Variants in NAF1 observed in about 807,000 individuals in gnomAD.
NAF1 encodes the protein nuclear assembly factor 1 ribonucleoprotein.
A neutral mutation model predicts 40.6 loss-of-function variants in NAF1; 11 were observed. The observed-to-expected ratio is 0.27, with a 90% CI of 0.17 to 0.45. NAF1 has a LOEUF of 0.45. Among genes scored for constraint, NAF1 ranks in the 20% least tolerant of loss-of-function variants. The pLI is 1.00. For synonymous variants in NAF1, 260 were observed against 228.5 expected (o/e 1.14, Z -1.24); for missense variants, 607 against 611.1 (o/e 0.99, Z 0.07).
intron 1 of NAF1, among the ~76,000 whole-genome samples, chr4:163,165,783 G>C (rs919959182): frequency 3.9e-5 from 6 of 152,146 alleles, no homozygotes; most frequent in African/African-American, 7.2e-5. Flanking sequence ...TGGGGGCAAG[G>C]GGGAAAGGCT....
At chr4:163,108,119 G>A (rs561047192), downstream of NAF1, among the ~76,000 whole-genome samples, 9 of 152,166 alleles carry the variant, frequency 5.9e-5, no homozygotes, top group Middle Eastern at 6.8e-3. Context: ...TATCAACAGC[G>A]ATGTAAGTAA....
At chr4:163,143,755 T>C (rs1376631430) in intron 4 of NAF1, among the ~76,000 whole-genome samples, 1 of 152,172 alleles carries the variant, frequency 6.6e-6, no homozygotes, top group East Asian at 1.9e-4. Flanking sequence ...ACAATGTCTC[T>C]CTAGGTGAGC....
chr4:163,153,189 C>T (rs1391978722), intron 2 of NAF1, among the ~76,000 whole-genome samples: 2 of 152,224 alleles, frequency 1.3e-5, no homozygotes, highest in African/African-American at 2.4e-5. Context: ...CCCTGCTCCA[C>T]GGCGCCGAGT....
intron 5 of NAF1, among the ~76,000 whole-genome samples, chr4:163,139,692 T>C (rs1731182034): frequency 1.3e-5 from 2 of 152,086 alleles, no homozygotes; most frequent in African/African-American, 4.8e-5. Context: ...GTTGGTTAGG[T>C]CAACTCCATA....
chr4:163,106,519 C>T (rs1730051620), downstream of NAF1, among the ~76,000 whole-genome samples: 2 of 152,110 alleles, frequency 1.3e-5, no homozygotes, highest in South Asian at 4.2e-4. Flanking sequence ...TCTAGCGTTT[C>T]CATTTTCTAT....
chr4:163,112,758 T>G (rs1197277311), intron 2 of NAF1, among the ~76,000 whole-genome samples: 1 of 152,192 alleles, frequency 6.6e-6, no homozygotes, highest in Non-Finnish European at 1.5e-5. Context: ...TAAAACTGTT[T>G]CCATTTTCTC....
chr4:163,132,984 T>A (rs753074300), intron 7 of NAF1, among the ~76,000 whole-genome samples, 170 bp downstream of exon 7: 3 of 152,256 alleles, frequency 2.0e-5, no homozygotes, highest in African/African-American at 4.8e-5. Flanking sequence ...TTTTTACTGC[T>A]TAAGCTCATA....
At chr4:163,115,805 T>C (rs1730319364) in intron 2 of NAF1, among the ~76,000 whole-genome samples, 1 of 152,232 alleles carries the variant, frequency 6.6e-6, no homozygotes, top group Admixed American at 6.5e-5. Context: ...AAATTACTAC[T>C]GAAAATACAA....
downstream of NAF1, among the ~76,000 whole-genome samples, chr4:163,128,347 C>G (rs1174096528): frequency 1.3e-5 from 2 of 152,090 alleles, no homozygotes; most frequent in Admixed American, 1.3e-4. Context: ...ATATTTTTTA[C>G]TTTAGCTATA....
At chr4:163,161,881 C>T (rs1188070549) in intron 2 of NAF1, among the ~76,000 whole-genome samples, 1 of 152,162 alleles carries the variant, frequency 6.6e-6, no homozygotes, top group Non-Finnish European at 1.5e-5. Flanking sequence ...ACCCTCCTCA[C>T]AATACATACA....
At chr4:163,141,372 T>C (rs1374439471) in intron 4 of NAF1, among the ~76,000 whole-genome samples, 1 of 152,184 alleles carries the variant, frequency 6.6e-6, no homozygotes, top group Non-Finnish European at 1.5e-5. Flanking sequence ...ATGTATATTA[T>C]AGAGATAAGA....
chr4:163,133,245 A>G lies in NAF1; in HGVS notation c.942T>C (p.Phe314=). Reference sequence around the variant, plus strand: ...CTTCCTTCTCTTTTTCATCATCACTAAAATCTAAGGCCTTGCAGAGAAAAG... The same window carrying G: ...CTTCCTTCTCTTTTTCATCATCACTGAAATCTAAGGCCTTGCAGAGAAAAG... ...DQEPPPEALD[F]SDDEKEKEAK... is the part of the protein sequence containing the mutation. The change falls in exon 7 of 8, where the codon TTT becomes TTC. Residue 314 remains phenylalanine, a synonymous_variant. Coordinates refer to ENST00000274054, the MANE Select transcript of NAF1 (RefSeq NM_138386.3). 1 of 1,613,380 alleles carries G rather than the reference A, an allele frequency of 6.2e-7. No homozygotes were observed. Among genetic ancestry groups the G allele is most frequent in the Non-Finnish European group, 8.5e-7 (1 of 1,179,588 alleles).
At chr4:163,150,952 G>C (rs1296876398) in intron 2 of NAF1, among the ~76,000 whole-genome samples, 1 of 152,016 alleles carries the variant, frequency 6.6e-6, no homozygotes, top group Non-Finnish European at 1.5e-5. Flanking sequence ...CCAGTCTTAT[G>C]AATATAAAAT....
chr4:163,138,615 A>C (rs1000783414), intron 5 of NAF1, among the ~76,000 whole-genome samples: 1 of 152,096 alleles, frequency 6.6e-6, no homozygotes, highest in African/African-American at 2.4e-5. Flanking sequence ...TTCCCATGAC[A>C]GATGCCAAAA....
At chr4:163,134,859 T>C (rs1220976498) in intron 6 of NAF1, among the ~76,000 whole-genome samples, 1 of 152,204 alleles carries the variant, frequency 6.6e-6, no homozygotes, top group Non-Finnish European at 1.5e-5. Context: ...AAGAACCTTA[T>C]TGTGCCATTT....
intron 2 of NAF1, among the ~76,000 whole-genome samples, chr4:163,150,290 T>C (rs1297885812): frequency 6.6e-6 from 1 of 152,070 alleles, no homozygotes; most frequent in Non-Finnish European, 1.5e-5. Flanking sequence ...AAAGGAAAAA[T>C]TCAAGCAGTT....
At chr4:163,126,930 A>T (rs542215597), downstream of NAF1, 1 of 1,518,054 alleles carries the variant, frequency 6.6e-7, no homozygotes, top group South Asian at 1.3e-5. Flanking sequence ...TTTGAACAGT[A>T]AAGTATTCTC....
intron 2 of NAF1, among the ~76,000 whole-genome samples, chr4:163,154,895 A>AC (rs1454269820): frequency 7.9e-5 from 12 of 151,510 alleles, no homozygotes; most frequent in East Asian, 5.8e-4. Flanking sequence ...AAAAACAAAA[A>AC]AAAAAAAACA....
Position 163,130,578 on chromosome 4 carries a change from T to TAGAA in NAF1, c.1034-1231_1034-1230insTTCT, listed in dbSNP as rs1730832396. Among the ~76,000 whole-genome samples, 3 of 152,142 alleles carry TAGAA rather than the reference T, an allele frequency of 2.0e-5. No individual in the cohort carries two copies. The South Asian group carries it at 6.2e-4, about 32-fold the overall frequency. ...GTGAAAGGACACACAAATAAATCAA[T>TAGAA]GGGACAAAATAGAAGGTACAAAAAT... On this transcript the variant is annotated intron_variant, in intron 7 of 7. Transcript: ENST00000274054.
Sources: allele counts gnomAD v4.1 joint callset (sites outside exome capture counted in the v4.1 genomes callset), GRCh38; gene constraint gnomAD v4.1.1; transcripts MANE v1.5; gene names NCBI Gene and HGNC (gene_info 2026-07-23, HGNC 2026-07-21).